PRKCQ: variants seen among roughly 807,000 people sequenced by gnomAD.
PRKCQ encodes the protein protein kinase C theta type.
A neutral mutation model predicts 91.2 loss-of-function variants in PRKCQ; 41 were observed. That is an observed-to-expected ratio of 0.45 (90% CI 0.35 to 0.58). The LOEUF is 0.58. Ranked by LOEUF, PRKCQ falls within the 20% of genes least tolerant of loss-of-function variation. The probability of loss-of-function intolerance (pLI) is 0.00; values close to 1 mark genes in which losing one functional copy is unlikely to be tolerated. For missense variants in PRKCQ, 673 were observed against 896.5 expected (o/e 0.75, Z 3.18); for synonymous variants, 307 against 316.9 (o/e 0.97, Z 0.33).
chr10:6,512,937 C>T (rs1012228523), intron 2 of PRKCQ, among the ~76,000 whole-genome samples: 6 of 152,030 alleles, frequency 3.9e-5, no homozygotes, highest in Admixed American at 6.5e-5. Context: ...TTAATGATCA[C>T]GGTAACATTT....
chr10:6,483,426 G>A lies in PRKCQ; in HGVS notation c.1179+14C>T, dbSNP rs200330266. 7.4e-6 allele frequency: 12 copies of A among 1,613,966 alleles called. No homozygotes were observed. Among genetic ancestry groups the A allele is most frequent in the South Asian group, 5.5e-5 (5 of 91,056 alleles). On this transcript the variant is annotated intron_variant, in intron 11 of 17. Coordinates refer to ENST00000263125, the MANE Select transcript of PRKCQ (RefSeq NM_006257.5). ...TGGAGTTGGGCCATAGCATTCTCCC[G>A]TGCATTAGCTTACCTTGCCAAAACT...
At chr10:6,410,907 G>A in the PRKCQ span, among the ~76,000 whole-genome samples, 1 of 148,610 alleles carries the variant, frequency 6.7e-6, no homozygotes, top group Admixed American at 6.7e-5. Context: ...AACCCGGGAG[G>A]TGAAGGTTTT....
chr10:6,394,665 G>A, the PRKCQ span, among the ~76,000 whole-genome samples: 1 of 143,996 alleles, frequency 6.9e-6, no homozygotes, highest in East Asian at 1.9e-4. Context: ...GTCAGCTGTT[G>A]AACTGATGAA....
intron 1 of PRKCQ, among the ~76,000 whole-genome samples, chr10:6,577,604 A>T (rs1841292760): frequency 6.6e-6 from 1 of 152,216 alleles, no homozygotes; most frequent in Non-Finnish European, 1.5e-5. Context: ...ATTATATAAC[A>T]ATATATCATT....
In PRKCQ at chr10:6,485,259, A is replaced by G. The variant is rs142220465; in HGVS notation, c.911T>C (p.Leu304Ser). 3.3e-4 allele frequency: 530 copies of G among 1,613,686 alleles called. 1 individual carries two copies. The highest frequency in any genetic ancestry group is 4.0e-4 in the Non-Finnish European group (470 of 1,179,710). ...MIESTQQARCLRDTEQIFREG... is the reference protein window; with the variant it reads ...MIESTQQARCSRDTEQIFREG... Reference sequence around the variant, plus strand: ...TCTGAAGATCTGTTCAGTATCTCTTAAGCAGCGAGCCTGGATGACAAACAG... The same window carrying G: ...TCTGAAGATCTGTTCAGTATCTCTTGAGCAGCGAGCCTGGATGACAAACAG... Residue 304 changes from leucine to serine, a missense_variant, in exon 10 of 18, where the codon TTA becomes TCA. Coordinates refer to ENST00000263125, the MANE Select transcript of PRKCQ (RefSeq NM_006257.5).
At chr10:6,570,685 G>C (rs1168439332) in intron 1 of PRKCQ, among the ~76,000 whole-genome samples, 2 of 151,974 alleles carry the variant, frequency 1.3e-5, no homozygotes, top group Non-Finnish European at 2.9e-5. Flanking sequence ...CTCCCGAGTA[G>C]CTGGGATTAC....
At chr10:6,409,864 G>A in the PRKCQ span, among the ~76,000 whole-genome samples, 1 of 152,158 alleles carries the variant, frequency 6.6e-6, no homozygotes, top group Non-Finnish European at 1.5e-5. Context: ...CTGTGTTCAT[G>A]CAGTTACTCC....
the PRKCQ span, among the ~76,000 whole-genome samples, chr10:6,404,855 C>T: frequency 7.8e-6 from 1 of 128,324 alleles, no homozygotes; most frequent in African/African-American, 3.0e-5. Context: ...TTCCTTCTTT[C>T]TTTCTCTTCC....
rs538695203 is a variant in PRKCQ, at chr10:6,495,839, A to C, written c.660+1196T>G. Among the ~76,000 whole-genome samples the C allele has an allele frequency of 6.6e-5, 10 of 152,236 alleles. No individual in the cohort carries two copies. The East Asian group carries it at 1.2e-3, about 18-fold the overall frequency. ...AGGGAGGGAGGATTGAAAATTACCT[A>C]TTGGGTGTAATATTCACTCTTCGGA... is the stretch of plus-strand genomic sequence containing the variant. On this transcript the variant is annotated intron_variant, in intron 7 of 17. Transcript: ENST00000263125.
chr10:6,411,120 C>T, the PRKCQ span, among the ~76,000 whole-genome samples: 1 of 152,084 alleles, frequency 6.6e-6, no homozygotes, highest in Admixed American at 6.6e-5. Flanking sequence ...TATTTTGTAG[C>T]CTCTAGCTTA....
intron 12 of PRKCQ, among the ~76,000 whole-genome samples, chr10:6,471,481 G>A (rs623982): frequency 0.17 from 26,591 of 152,192 alleles, 2,445 homozygotes; most frequent in Middle Eastern, 0.3. Context: ...GGTGGCTCAT[G>A]CCTGTGATCC....
At chr10:6,524,704 C>T (rs1839134477) in intron 1 of PRKCQ, among the ~76,000 whole-genome samples, 1 of 152,188 alleles carries the variant, frequency 6.6e-6, no homozygotes, top group South Asian at 2.1e-4. Flanking sequence ...TCCTTCAGCT[C>T]AGGGTGCTGC....
chr10:6,428,285 T>A lies in PRKCQ; in HGVS notation c.2043A>T (p.Ala681=). ...TATTCTGGTCCATGCTGTTGATCAG[T>A]GCTCTGTCGGCAAATGACAGCCGGG... ...EKPRLSFADR[A]LINSMDQNMF... is the part of the protein sequence containing the mutation. The change falls in exon 18 of 18, where the codon GCA becomes GCT. Residue 681 remains alanine, a synonymous_variant. Transcript: ENST00000263125. The A allele has an allele frequency of 6.2e-7, 1 of 1,614,230 alleles. No individual in the cohort carries two copies. The highest frequency in any genetic ancestry group is 8.5e-7 in the Non-Finnish European group (1 of 1,180,030).
rs144986867 is a variant in PRKCQ at position 6,440,755 on chromosome 10, G to A, written c.1836+1138C>T. Among the ~76,000 whole-genome samples, 369 of 152,292 alleles carry A rather than the reference G, an allele frequency of 2.4e-3. 1 individual carries two copies. Among genetic ancestry groups the A allele is most frequent in the African/African-American group, 8.1e-3 (338 of 41,558 alleles). ...TGTAGTCCCAGCACTTTGGGAGGCC[G>A]AGGCGGGCAGATCCCTTGAGGTCAG... On this transcript the variant is annotated intron_variant, in intron 16 of 17. Transcript: ENST00000263125.
At chr10:6,476,065 A>G (rs1248619117) in intron 12 of PRKCQ, among the ~76,000 whole-genome samples, 2 of 152,158 alleles carry the variant, frequency 1.3e-5, no homozygotes, top group Non-Finnish European at 2.9e-5. Context: ...CCATTATTGG[A>G]ACGCTAAGCA....
At chr10:6,429,634 A>T (rs1833305379) in intron 17 of PRKCQ, among the ~76,000 whole-genome samples, 4 of 152,140 alleles carry the variant, frequency 2.6e-5, no homozygotes, top group Admixed American at 2.6e-4. Flanking sequence ...AGGCTGGCAA[A>T]CCCACAACTT....
intron 1 of PRKCQ, among the ~76,000 whole-genome samples, chr10:6,578,109 G>A (rs1225342516): frequency 6.6e-6 from 1 of 152,242 alleles, no homozygotes; most frequent in Non-Finnish European, 1.5e-5. Context: ...ACAAGAGACA[G>A]AGAGTATTAT....
In PRKCQ at chr10:6,512,685, G is replaced by T. The variant is rs534355504; in HGVS notation, c.119-1491C>A. Among the ~76,000 whole-genome samples the T allele has an allele frequency of 3.3e-5, 5 of 152,262 alleles. No individual in the cohort carries two copies. The East Asian group carries it at 9.6e-4, about 29-fold the overall frequency. ...AATAAAGCCCTTCTAACTTTCGAGG[G>T]CCCCTTCTGTCCAACACACAAAGCT... On this transcript the variant is annotated intron_variant, in intron 2 of 17. Coordinates refer to ENST00000263125, the MANE Select transcript of PRKCQ (RefSeq NM_006257.5).
intron 1 of PRKCQ, among the ~76,000 whole-genome samples, chr10:6,515,984 A>G (rs1429242675): frequency 1.3e-5 from 2 of 152,218 alleles, no homozygotes; most frequent in African/African-American, 2.4e-5. Context: ...CCGAGGTCCC[A>G]TTAATCTGAA....
Sources: allele counts gnomAD v4.1 joint callset (sites outside exome capture counted in the v4.1 genomes callset), GRCh38; gene constraint gnomAD v4.1.1; transcripts MANE v1.5; gene names NCBI Gene and HGNC (gene_info 2026-07-23, HGNC 2026-07-21).